The following ENTHD1 variants were observed in gnomAD, a reference collection of about 807,000 sequenced individuals.
ENTHD1 encodes the protein ENTH domain-containing protein 1.
ENTHD1 carries 23 observed loss-of-function variants against 39.1 expected under a neutral mutation model. The observed-to-expected ratio is 0.59, with a 90% CI of 0.42 to 0.83. The LOEUF is 0.83. ENTHD1 is among the 40% of genes least tolerant of loss of function. ENTHD1 has a pLI of 0.00. For missense variants in ENTHD1, 624 were observed against 705.4 expected (o/e 0.88, Z 1.31); for synonymous variants, 230 against 258.2 (o/e 0.89, Z 1.05).
At chr22:39,875,679 A>C (rs1421932986) in intron 2 of ENTHD1, 1 of 1,612,342 alleles carries the variant, frequency 6.2e-7, no homozygotes, top group East Asian at 2.2e-5. Context: ...TATGCTGCCA[A>C]GAATGCCGTC....
intron 2 of ENTHD1, 106 bp downstream of exon 2, chr22:39,887,294 A>AT: frequency 1.0e-6 from 1 of 969,906 alleles, no homozygotes; most frequent in Non-Finnish European, 1.5e-6. Flanking sequence ...TCACTACAGC[A>AT]TCAAATGCCT....
chr22:39,888,321 A>C (rs925815177), intron 1 of ENTHD1, among the ~76,000 whole-genome samples: 3 of 137,612 alleles, frequency 2.2e-5, no homozygotes, highest in South Asian at 2.3e-4. Flanking sequence ...AGGCTGAAGT[A>C]CAGTGGTGCA....
At chr22:39,855,452 T>TC (rs1303236187) in intron 3 of ENTHD1, among the ~76,000 whole-genome samples, 1 of 152,168 alleles carries the variant, frequency 6.6e-6, no homozygotes, top group Non-Finnish European at 1.5e-5. Flanking sequence ...TGATTTGTGG[T>TC]CCCGAGCATT....
intron 5 of ENTHD1, among the ~76,000 whole-genome samples, chr22:39,813,518 T>C (rs905126869): frequency 4.6e-5 from 7 of 152,336 alleles, no homozygotes; most frequent in Middle Eastern, 3.4e-3. Flanking sequence ...GAAAAACCTG[T>C]AACTATCCAT....
intron 3 of ENTHD1, among the ~76,000 whole-genome samples, chr22:39,861,376 C>T (rs1238522407): frequency 6.6e-6 from 1 of 151,998 alleles, no homozygotes; most frequent in Non-Finnish European, 1.5e-5. Flanking sequence ...CCTGTCTCTA[C>T]TAAAAATACA....
At chr22:39,744,986 A>C (rs780251895) in intron 6 of ENTHD1, among the ~76,000 whole-genome samples, 3 of 152,174 alleles carry the variant, frequency 2.0e-5, no homozygotes, top group Non-Finnish European at 4.4e-5. Flanking sequence ...CTTTATTCTA[A>C]ATCATTTCCC....
chr22:39,794,259 A>G (rs2065528703), intron 5 of ENTHD1, among the ~76,000 whole-genome samples: 1 of 151,924 alleles, frequency 6.6e-6, no homozygotes, highest in African/African-American at 2.4e-5. Flanking sequence ...TTTTTAAGCT[A>G]TTTCATTATT....
At chr22:39,875,459 G>T in intron 2 of ENTHD1, 1 of 1,533,522 alleles carries the variant, frequency 6.5e-7, no homozygotes, top group Non-Finnish European at 8.7e-7. Context: ...GTCGCTGAGC[G>T]GCCAGGCCGT....
At chr22:39,871,638 C>T (rs953983143) in intron 2 of ENTHD1, among the ~76,000 whole-genome samples, 6 of 152,228 alleles carry the variant, frequency 3.9e-5, no homozygotes, top group South Asian at 2.1e-4. Context: ...TGTGCTTTGT[C>T]GTCCATCTGA....
At chr22:39,766,514 C>T (rs2065278674) in intron 5 of ENTHD1, among the ~76,000 whole-genome samples, 1 of 152,042 alleles carries the variant, frequency 6.6e-6, no homozygotes, top group Admixed American at 6.6e-5. Context: ...AAAAGAAAGA[C>T]CGTTATTTTT....
At chr22:39,813,997 A>T (rs535362516) in intron 5 of ENTHD1, among the ~76,000 whole-genome samples, 4 of 152,190 alleles carry the variant, frequency 2.6e-5, no homozygotes, top group African/African-American at 7.2e-5. Context: ...CTAACGAAAG[A>T]TATACAGAAC....
intron 5 of ENTHD1, among the ~76,000 whole-genome samples, chr22:39,775,046 C>T (rs929986627): frequency 7.9e-5 from 12 of 152,238 alleles, no homozygotes; most frequent in African/African-American, 2.6e-4. Flanking sequence ...TTATCCTTCA[C>T]GTTAAAATGA....
At chr22:39,807,692 A>G (rs999995489) in intron 5 of ENTHD1, among the ~76,000 whole-genome samples, 2 of 152,194 alleles carry the variant, frequency 1.3e-5, no homozygotes, top group Admixed American at 6.5e-5. Context: ...TAGGCAAAAT[A>G]GTGCAGTGAA....
chr22:39,757,575 G>T (rs1316663706), intron 6 of ENTHD1, among the ~76,000 whole-genome samples: 1 of 151,940 alleles, frequency 6.6e-6, no homozygotes, highest in Non-Finnish European at 1.5e-5. Flanking sequence ...TACTCAGGAG[G>T]CTGAGGCAGG....
Position 39,782,549 on chromosome 22 carries a change from A to T in ENTHD1, c.833-16940T>A, listed in dbSNP as rs1249778859. 2.6e-5 allele frequency among the ~76,000 whole-genome samples: 4 copies of T among 152,218 alleles called. No individual in the cohort carries two copies. In the South Asian group the frequency reaches 8.3e-4, roughly 32 times the overall value. On this transcript the variant is annotated intron_variant, in intron 5 of 6. Transcript: ENST00000325157. The stretch of plus-strand genomic sequence containing the variant: ...GCAAATATCACTAATGAATATAGAT[A>T]CAAAAATTCTTAACAAAATACTAAT...
intron 4 of ENTHD1, 106 bp downstream of exon 4, chr22:39,835,734 G>A (rs2065903294): frequency 4.3e-6 from 3 of 695,882 alleles, no homozygotes; most frequent in Non-Finnish European, 7.1e-6. Flanking sequence ...AGCCCAGTGA[G>A]CCCTGGGTCA....
intron 3 of ENTHD1, among the ~76,000 whole-genome samples, chr22:39,857,833 A>T (rs981405533): frequency 6.6e-6 from 1 of 152,192 alleles, no homozygotes; most frequent in African/African-American, 2.4e-5. Flanking sequence ...ATATATACAT[A>T]ATTAAATAAT....
intron 5 of ENTHD1, among the ~76,000 whole-genome samples, chr22:39,815,753 G>C (rs1411277652): frequency 6.6e-6 from 1 of 151,986 alleles, no homozygotes; most frequent in African/African-American, 2.4e-5. Flanking sequence ...TTCCACAGAA[G>C]AATAAACAAA....
chr22:39,879,087 C>T (rs1314571868), intron 2 of ENTHD1, among the ~76,000 whole-genome samples: 2 of 151,706 alleles, frequency 1.3e-5, no homozygotes, highest in East Asian at 3.9e-4. Flanking sequence ...CTGAAATATA[C>T]ACAGAATTCT....
Sources: gnomAD v4.1 joint callset for allele counts (sites outside exome capture counted in the v4.1 genomes callset) on GRCh38, gnomAD v4.1.1 for gene constraint, MANE v1.5 for transcripts, NCBI Gene and HGNC (gene_info 2026-07-23, HGNC 2026-07-21) for gene names.